RGL1: variants seen among roughly 807,000 people sequenced by gnomAD.
The protein encoded by RGL1 is ral guanine nucleotide dissociation stimulator-like 1.
In RGL1, 24 loss-of-function variants were observed where a neutral mutation model predicts 95.2. That is an observed-to-expected ratio of 0.25 (90% CI 0.18 to 0.35). RGL1 has a LOEUF of 0.35. RGL1 is among the 10% of genes least tolerant of loss of function. The pLI is 1.00. For missense variants in RGL1, 715 were observed against 936.3 expected, an observed-to-expected ratio of 0.76 and a Z score of 3.08; for synonymous variants, 329 against 344.9, an observed-to-expected ratio of 0.95 and a Z score of 0.51.
At chr1:183,847,269 C>T (rs949964098) in intron 2 of RGL1, among the ~76,000 whole-genome samples, 16 of 151,930 alleles carry the variant, frequency 1.1e-4, no homozygotes, top group Non-Finnish European at 7.4e-5. Context: ...GATAACATAG[C>T]GAGACACTAT....
intron 1 of RGL1, among the ~76,000 whole-genome samples, chr1:183,720,901 G>A (rs1010057554): frequency 2.0e-5 from 3 of 152,210 alleles, no homozygotes; most frequent in Non-Finnish European, 4.4e-5. Context: ...AAGGGAAAGT[G>A]TCAAGGATGA....
chr1:183,823,282 C>A (rs947727972), intron 2 of RGL1, among the ~76,000 whole-genome samples: 1 of 151,946 alleles, frequency 6.6e-6, no homozygotes, highest in African/African-American at 2.4e-5. Flanking sequence ...GTCTTTTCTT[C>A]AAAAATATGA....
chr1:183,691,967 C>T (rs376642048), intron 1 of RGL1, among the ~76,000 whole-genome samples: 2 of 151,654 alleles, frequency 1.3e-5, no homozygotes, highest in African/African-American at 4.8e-5. Context: ...AATGTATTAT[C>T]ACTTCTGTGG....
chr1:183,826,060 C>CT (rs11428280), intron 2 of RGL1, among the ~76,000 whole-genome samples: 97,804 of 147,532 alleles, frequency 0.66, 33,858 homozygotes, highest in Middle Eastern at 0.81. Context: ...CTGTCTCTCT[C>CT]TTTTTTTTTT....
chr1:183,916,315 G>GT, intron 15 of RGL1, 132 bp from the exon 16 acceptor site: 1 of 1,063,462 alleles, frequency 9.4e-7, no homozygotes, highest in South Asian at 1.5e-5. Context: ...TGAGACACAT[G>GT]TGTGCTGTGG....
chr1:183,659,664 C>A (rs1651463747), intron 1 of RGL1, among the ~76,000 whole-genome samples: 2 of 152,058 alleles, frequency 1.3e-5, no homozygotes, highest in African/African-American at 4.8e-5. Context: ...CTTCCCCAAT[C>A]TAGCAAGGCA....
intron 3 of RGL1, 104 bp from the exon 4 acceptor site, chr1:183,865,892 T>C (rs1665799438): frequency 1.3e-6 from 1 of 765,410 alleles, no homozygotes; most frequent in Non-Finnish European, 2.3e-6. Context: ...TTTCCTTAAT[T>C]ACTTCTGAAA....
chr1:183,887,358 G>C (rs902206744), intron 7 of RGL1, among the ~76,000 whole-genome samples: 3 of 151,572 alleles, frequency 2.0e-5, no homozygotes, highest in African/African-American at 7.3e-5. Flanking sequence ...TCCAGATTTT[G>C]GCATGCTAAA....
chr1:183,745,431 T>G (rs976022473), intron 2 of RGL1, among the ~76,000 whole-genome samples: 2 of 152,150 alleles, frequency 1.3e-5, no homozygotes, highest in Non-Finnish European at 2.9e-5. Context: ...GATACTCTCC[T>G]GTGTTTCCTA....
At position 183,860,735 on chromosome 1, in the gene RGL1, T is replaced by C. The variant is rs145303771; in HGVS notation, c.348-5261T>C. On this transcript the variant is annotated intron_variant, in intron 3 of 17. Transcript: ENST00000360851. ...TTGCACTTTTCACTCTCTGACTTAG[T>C]ATATATTAACTAATTATTGTTGTCT... Among the ~76,000 whole-genome samples, 5 of 152,344 alleles carry C rather than the reference T, an allele frequency of 3.3e-5. No individual in the cohort carries two copies. The East Asian group carries it at 7.7e-4, about 24-fold the overall frequency.
chr1:183,695,500 A>G (rs1654200502), intron 1 of RGL1, among the ~76,000 whole-genome samples: 1 of 152,230 alleles, frequency 6.6e-6, no homozygotes, highest in African/African-American at 2.4e-5. Context: ...AATTATTTGA[A>G]CAGATTAGTG....
At chr1:183,680,786 G>A (rs773221343) in intron 1 of RGL1, among the ~76,000 whole-genome samples, 17 of 152,086 alleles carry the variant, frequency 1.1e-4, no homozygotes, top group Admixed American at 5.2e-4. Context: ...CCATTTTCAC[G>A]ATATTGATTC....
At chr1:183,861,285 A>G (rs1665496212) in intron 3 of RGL1, among the ~76,000 whole-genome samples, 3 of 152,128 alleles carry the variant, frequency 2.0e-5, no homozygotes, top group African/African-American at 7.2e-5. Flanking sequence ...TGTTACTGAG[A>G]CTTTCCTGTT....
intron 1 of RGL1, among the ~76,000 whole-genome samples, chr1:183,658,792 C>G (rs1651386419): frequency 6.6e-6 from 1 of 152,168 alleles, no homozygotes; most frequent in African/African-American, 2.4e-5. Flanking sequence ...CCCGAGTAGC[C>G]TAACTGGGAG....
intron 1 of RGL1, among the ~76,000 whole-genome samples, chr1:183,689,558 T>C (rs140518278): frequency 1.3e-5 from 2 of 152,338 alleles, no homozygotes; most frequent in Admixed American, 6.5e-5. Flanking sequence ...AACTCTGTTA[T>C]TGCATGTAAC....
At chr1:183,705,290 G>C (rs747209841) in intron 1 of RGL1, among the ~76,000 whole-genome samples, 1 of 152,096 alleles carries the variant, frequency 6.6e-6, no homozygotes, top group South Asian at 2.1e-4. Flanking sequence ...TCGGGTTTGC[G>C]GGGTAAGAGC....
At chr1:183,908,648 C>A (rs1026838924) in intron 14 of RGL1, among the ~76,000 whole-genome samples, 1 of 152,176 alleles carries the variant, frequency 6.6e-6, no homozygotes, top group Admixed American at 6.5e-5. Flanking sequence ...GCTGGTAAGA[C>A]TGGCATGTGC....
intron 9 of RGL1, among the ~76,000 whole-genome samples, chr1:183,892,629 A>G (rs1224878676): frequency 6.6e-6 from 1 of 152,198 alleles, no homozygotes; most frequent in Non-Finnish European, 1.5e-5. Flanking sequence ...CTTCTGAATG[A>G]CACACTAGGT....
intron 12 of RGL1, among the ~76,000 whole-genome samples, chr1:183,903,206 A>T (rs1400659501): frequency 6.6e-6 from 1 of 152,192 alleles, no homozygotes; most frequent in Non-Finnish European, 1.5e-5. Context: ...TGAGTAAATG[A>T]CATAGAAGAG....
Sources: gnomAD v4.1 joint callset for allele counts (sites outside exome capture counted in the v4.1 genomes callset) on GRCh38, gnomAD v4.1.1 for gene constraint, MANE v1.5 for transcripts, NCBI Gene and HGNC (gene_info 2026-07-23, HGNC 2026-07-21) for gene names.